The following IL1RAPL1 variants were observed in gnomAD, a reference collection of about 807,000 sequenced individuals.
The protein encoded by IL1RAPL1 is interleukin-1 receptor accessory protein-like 1.
IL1RAPL1 carries 3 observed loss-of-function variants against 48.4 expected under a neutral mutation model. That is an observed-to-expected ratio of 0.06 (90% CI 0.03 to 0.16). The LOEUF is 0.16. IL1RAPL1 is among the 10% of genes least tolerant of loss of function. IL1RAPL1 has a pLI of 1.00. For synonymous variants in IL1RAPL1, 185 were observed against 187.7 expected (o/e 0.99, Z 0.12); for missense variants, 349 against 530.6 (o/e 0.66, Z 3.36).
chrX:29,086,289 T>G (rs1011553325), intron 2 of IL1RAPL1, among the ~76,000 whole-genome samples: 2 of 112,260 alleles, frequency 1.8e-5, no homozygotes, highest in Non-Finnish European at 3.8e-5. Context: ...GCTGTCTTAT[T>G]TTATGTCTCT....
At chrX:28,870,917 A>C (rs1221111600) in intron 2 of IL1RAPL1, among the ~76,000 whole-genome samples, 1 of 112,053 alleles carries the variant, frequency 8.9e-6, no homozygotes, top group Non-Finnish European at 1.9e-5. Context: ...AAGTTAGTCC[A>C]ATATGGAGTG....
chrX:29,387,828 A>C (rs1374152235), intron 3 of IL1RAPL1, among the ~76,000 whole-genome samples: 1 of 109,976 alleles, frequency 9.1e-6, no homozygotes, highest in Non-Finnish European at 1.9e-5. Flanking sequence ...CCCCGCCTCT[A>C]CTAAATATAC....
At chrX:28,943,115 G>A (rs781583263) in intron 2 of IL1RAPL1, among the ~76,000 whole-genome samples, 8 of 108,516 alleles carry the variant, frequency 7.4e-5, no homozygotes, top group Middle Eastern at 4.7e-3. Context: ...CTCAGCCAGC[G>A]GAACCTATTT....
intron 2 of IL1RAPL1, among the ~76,000 whole-genome samples, chrX:28,904,304 C>T (rs1923160775): frequency 9.0e-6 from 1 of 111,477 alleles, no homozygotes; most frequent in Non-Finnish European, 1.9e-5. Context: ...GTCTGAATAT[C>T]CAGATTAAAA....
At chrX:29,402,160 T>C (rs1373802392) in intron 5 of IL1RAPL1, among the ~76,000 whole-genome samples, 1 of 111,798 alleles carries the variant, frequency 8.9e-6, no homozygotes, top group African/African-American at 3.2e-5. Context: ...TTAAAGATGT[T>C]ACGGCACCAT....
intron 5 of IL1RAPL1, among the ~76,000 whole-genome samples, chrX:29,538,548 G>T (rs1921323127): frequency 9.2e-6 from 1 of 108,114 alleles, no homozygotes; most frequent in South Asian, 4.1e-4. Flanking sequence ...ATTTTGGCCA[G>T]GCTGGTTTTG....
chrX:29,834,304 T>A (rs1345060241), intron 6 of IL1RAPL1, among the ~76,000 whole-genome samples: 1 of 111,436 alleles, frequency 9.0e-6, no homozygotes, highest in Non-Finnish European at 1.9e-5. Context: ...CCTTGAAGAT[T>A]TTGTATCTTT....
intron 8 of IL1RAPL1, among the ~76,000 whole-genome samples, chrX:29,923,407 A>G (rs1246559901): frequency 4.5e-5 from 5 of 111,977 alleles, no homozygotes; most frequent in Non-Finnish European, 9.4e-5. Context: ...GCACTAGAAT[A>G]TGCAGCAAGA....
At chrX:29,183,788 G>A (rs1930194205) in intron 2 of IL1RAPL1, among the ~76,000 whole-genome samples, 1 of 112,126 alleles carries the variant, frequency 8.9e-6, no homozygotes, top group African/African-American at 3.2e-5. Flanking sequence ...CTGCCTCCCG[G>A]GTTCAAGCGA....
At chrX:29,720,678 A>G (rs1395223616) in intron 6 of IL1RAPL1, among the ~76,000 whole-genome samples, 1 of 111,009 alleles carries the variant, frequency 9.0e-6, no homozygotes, top group East Asian at 2.8e-4. Flanking sequence ...GGTGCAGCAA[A>G]CTACCATGGC....
rs965822328 is a variant in IL1RAPL1 at position 29,109,435 on chromosome X, C to T, written c.83-173503C>T. Among the ~76,000 whole-genome samples, 3 of 109,856 alleles carry T rather than the reference C, an allele frequency of 2.7e-5. No homozygotes were observed. The Admixed American group carries it at 2.9e-4, about 11-fold the overall frequency. Reference sequence around the variant, plus strand: ...CAGTTTTTCTAATGTAAAGTTAAATCATTAAATAAAATTTTGGTAGCTATA... The same window carrying T: ...CAGTTTTTCTAATGTAAAGTTAAATTATTAAATAAAATTTTGGTAGCTATA... On this transcript the variant is annotated intron_variant, in intron 2 of 10. Coordinates refer to ENST00000378993, the MANE Select transcript of IL1RAPL1 (RefSeq NM_014271.4).
chrX:29,683,918 A>G (rs986173689), intron 6 of IL1RAPL1, among the ~76,000 whole-genome samples: 8 of 112,329 alleles, frequency 7.1e-5, no homozygotes, highest in Non-Finnish European at 1.3e-4. Context: ...CAGTGCCGCA[A>G]CAAACATAGG....
intron 5 of IL1RAPL1, among the ~76,000 whole-genome samples, chrX:29,467,711 A>G (rs898887315): frequency 8.9e-6 from 1 of 111,808 alleles, no homozygotes; most frequent in African/African-American, 3.3e-5. Context: ...CTACGCAATA[A>G]AATACTTCAA....
intron 5 of IL1RAPL1, among the ~76,000 whole-genome samples, chrX:29,428,589 T>C (rs1361507758): frequency 9.0e-6 from 1 of 111,073 alleles, no homozygotes; most frequent in Non-Finnish European, 1.9e-5. Flanking sequence ...GAGTAAAAAC[T>C]TTCTAAGACT....
intron 5 of IL1RAPL1, among the ~76,000 whole-genome samples, chrX:29,599,416 G>A (rs754700625): frequency 8.9e-6 from 1 of 111,923 alleles, no homozygotes; most frequent in African/African-American, 3.2e-5. Context: ...TTCCTTTATA[G>A]GTTACCTGAT....
intron 5 of IL1RAPL1, among the ~76,000 whole-genome samples, chrX:29,547,719 A>G (rs1921674301): frequency 8.9e-6 from 1 of 112,135 alleles, no homozygotes; most frequent in East Asian, 2.8e-4. Flanking sequence ...AGTAAAGAGC[A>G]CTATATCAAT....
intron 2 of IL1RAPL1, among the ~76,000 whole-genome samples, chrX:29,261,556 T>C (rs921194544): frequency 1.8e-5 from 2 of 111,071 alleles, no homozygotes; most frequent in Non-Finnish European, 3.8e-5. Context: ...TTTGCCGTTA[T>C]ACGCTATCAT....
At chrX:28,768,707 C>CTCTCTG (rs1936271272) in intron 1 of IL1RAPL1, among the ~76,000 whole-genome samples, 2 of 68,116 alleles carry the variant, frequency 2.9e-5, no homozygotes, top group African/African-American at 6.2e-5. Flanking sequence ...CTCTGTTTCT[C>CTCTCTG]TCTCTCTCTC....
chrX:29,473,159 T>C (rs1227586896), intron 5 of IL1RAPL1, among the ~76,000 whole-genome samples: 2 of 111,691 alleles, frequency 1.8e-5, no homozygotes, highest in Non-Finnish European at 3.8e-5. Flanking sequence ...TAGAAAGCCA[T>C]TGTTATCTTC....
Sources: allele counts gnomAD v4.1 joint callset (sites outside exome capture counted in the v4.1 genomes callset), GRCh38; gene constraint gnomAD v4.1.1; transcripts MANE v1.5; gene names NCBI Gene and HGNC (gene_info 2026-07-23, HGNC 2026-07-21).